Variants in COL10A1 observed in about 807,000 individuals in gnomAD.
COL10A1 encodes collagen type X alpha 1 chain.
COL10A1 carries 10 observed loss-of-function variants against 18.2 expected under a neutral mutation model. The ratio of observed to expected loss-of-function variants is 0.55; its 90% CI spans 0.34 to 0.93. The LOEUF is 0.93. Ranked by LOEUF, COL10A1 falls within the 40% of genes least tolerant of loss-of-function variation. COL10A1 has a pLI of 0.02. For missense variants in COL10A1, 897 were observed against 853.5 expected, an observed-to-expected ratio of 1.05 and a Z score of -0.64; for synonymous variants, 330 against 316.6, an observed-to-expected ratio of 1.04 and a Z score of -0.45.
At chr6:116,157,560 T>C (rs983865721) in intron 1 of COL10A1, among the ~76,000 whole-genome samples, 1 of 152,182 alleles carries the variant, frequency 6.6e-6, no homozygotes, top group Non-Finnish European at 1.5e-5. Context: ...CAATGGGGGA[T>C]CAAGTGTATG....
In COL10A1 at chr6:116,119,370, A is replaced by C. The variant is rs1779037058; in HGVS notation, c.*703T>G. 1 of 152,436 alleles carries C rather than the reference A, an allele frequency of 6.6e-6. No individual in the cohort carries two copies. The highest frequency in any genetic ancestry group is 2.1e-4 in the South Asian group (1 of 4,832). The allele number at this position is 152,436 out of a possible 1,614,324, so 9.4% of individuals were successfully genotyped here. A position where few individuals can be genotyped will look rare whatever the true frequency, so the allele number is the denominator to read the frequency against. On this transcript the variant is annotated 3_prime_UTR_variant, in exon 3 of 3. Coordinates refer to ENST00000651968, the MANE Select transcript of COL10A1 (RefSeq NM_000493.4). ...TGTTTCCAAGTTATGCTGGGTATATAAAAAGCTTCTCTGCAATCATAGAAA... is the reference window on the plus strand; with the variant it reads ...TGTTTCCAAGTTATGCTGGGTATATCAAAAGCTTCTCTGCAATCATAGAAA...
the COL10A1 span, among the ~76,000 whole-genome samples, chr6:116,207,708 A>G: frequency 6.6e-6 from 1 of 151,932 alleles, no homozygotes; most frequent in East Asian, 1.9e-4. Context: ...CTTAGAGTAG[A>G]ATATTCTGGG....
upstream of COL10A1, among the ~76,000 whole-genome samples, chr6:116,163,140 A>AT (rs1216295769): frequency 3.4e-3 from 408 of 120,646 alleles, 2 homozygotes; most frequent in East Asian, 0.015. Context: ...AAAAAAAAAA[A>AT]AATATATATA....
the COL10A1 span, among the ~76,000 whole-genome samples, chr6:116,189,360 A>G: frequency 6.6e-6 from 1 of 151,854 alleles, no homozygotes; most frequent in Non-Finnish European, 1.5e-5. Flanking sequence ...ATATAGTTCC[A>G]GTATTGCAGT....
At chr6:116,197,043 G>C in the COL10A1 span, among the ~76,000 whole-genome samples, 66 of 151,692 alleles carry the variant, frequency 4.4e-4, no homozygotes, top group African/African-American at 1.6e-3. Context: ...AGCTGTGTGT[G>C]TCCATCAGAG....
chr6:116,152,863 C>T (rs1780082049), intron 1 of COL10A1, among the ~76,000 whole-genome samples: 1 of 152,016 alleles, frequency 6.6e-6, no homozygotes, highest in Non-Finnish European at 1.5e-5. Flanking sequence ...GTTATATTGC[C>T]TCTGAGTTCT....
At chr6:116,193,735 G>T in the COL10A1 span, among the ~76,000 whole-genome samples, 2 of 148,218 alleles carry the variant, frequency 1.3e-5, no homozygotes, top group East Asian at 3.9e-4. Flanking sequence ...TTTCATCTTT[G>T]TTGTTGGACT....
Position 116,146,786 on chromosome 6 carries a change from AAGAT to A in COL10A1, c.-16+11824_-16+11827del, listed in dbSNP as rs1464969910. Among the ~76,000 whole-genome samples, 6 of 152,132 alleles carry A rather than the reference AAGAT, an allele frequency of 3.9e-5. No individual in the cohort carries two copies. In the East Asian group the frequency reaches 1.2e-3, roughly 29 times the overall value. Reference sequence around the variant, plus strand: ...AGACTGGGAAATTTAATGTATGAAAAAGATAGCATTTCAGATCAGTGGAAGACAG... The same window carrying A: ...AGACTGGGAAATTTAATGTATGAAAAAGCATTTCAGATCAGTGGAAGACAG... On this transcript the variant is annotated intron_variant, in intron 1 of 1. Coordinates refer to the COL10A1 transcript ENST00000418500.
upstream of COL10A1, among the ~76,000 whole-genome samples, chr6:116,163,141 A>AAAAAAAAAATATATATATATATAT (rs761718922): frequency 1.1e-5 from 1 of 88,408 alleles, no homozygotes; most frequent in African/African-American, 5.8e-5. Context: ...AAAAAAAAAA[A>AAAAAAAAAATATATATATATATAT]ATATATATAT....
chr6:116,125,543 G>A, intron 1 of COL10A1, 36 bp from the exon 2 acceptor site: 1 of 1,582,430 alleles, frequency 6.3e-7, no homozygotes, highest in Non-Finnish European at 8.7e-7. Context: ...ATACAGCATT[G>A]TTATTAACCT....
At chr6:116,134,553 A>G (rs1270771299) in intron 1 of COL10A1, among the ~76,000 whole-genome samples, 1 of 152,120 alleles carries the variant, frequency 6.6e-6, no homozygotes, top group Admixed American at 6.5e-5. Flanking sequence ...TCAGATTTCC[A>G]TGTTTATTGA....
At chr6:116,216,801 A>C in the COL10A1 span, among the ~76,000 whole-genome samples, 2 of 152,184 alleles carry the variant, frequency 1.3e-5, no homozygotes, top group Non-Finnish European at 2.9e-5. Context: ...CTCTTAGCAA[A>C]GAAGTTTCTT....
At chr6:116,199,470 TG>T in the COL10A1 span, among the ~76,000 whole-genome samples, 1 of 152,062 alleles carries the variant, frequency 6.6e-6, no homozygotes, top group Non-Finnish European at 1.5e-5. Flanking sequence ...TCATCAATGT[TG>T]TGGAAAGAGA....
At chr6:116,154,250 A>T (rs1308224779) in intron 1 of COL10A1, among the ~76,000 whole-genome samples, 1 of 152,174 alleles carries the variant, frequency 6.6e-6, no homozygotes, top group Non-Finnish European at 1.5e-5. Context: ...TGATAAATAT[A>T]TTCAATATTT....
chr6:116,169,378 T>A, the COL10A1 span, among the ~76,000 whole-genome samples: 1 of 152,234 alleles, frequency 6.6e-6, no homozygotes, highest in African/African-American at 2.4e-5. Context: ...TGTTATAGTT[T>A]CCAGTTTATG....
intron 1 of COL10A1, among the ~76,000 whole-genome samples, chr6:116,142,528 G>A (rs1779793204): frequency 6.6e-6 from 1 of 151,994 alleles, no homozygotes; most frequent in African/African-American, 2.4e-5. Flanking sequence ...AAATTTGTTA[G>A]CATCTGAAAA....
At chr6:116,189,221 T>G in the COL10A1 span, among the ~76,000 whole-genome samples, 1 of 151,910 alleles carries the variant, frequency 6.6e-6, no homozygotes, top group Non-Finnish European at 1.5e-5. Context: ...AATAAAAGTT[T>G]TACTTCTATT....
chr6:116,199,466 A>G, the COL10A1 span, among the ~76,000 whole-genome samples: 1 of 152,072 alleles, frequency 6.6e-6, no homozygotes, highest in Non-Finnish European at 1.5e-5. Context: ...TCTGTCATCA[A>G]TGTTGTGGAA....
intron 1 of COL10A1, chr6:116,145,626 A>G (rs1779879737): frequency 1.2e-5 from 2 of 166,324 alleles, no homozygotes; most frequent in Admixed American, 6.2e-5. Context: ...ATGTTACATA[A>G]TCTACTCTTA....
Sources: allele counts gnomAD v4.1 joint callset (sites outside exome capture counted in the v4.1 genomes callset), GRCh38; gene constraint gnomAD v4.1.1; transcripts MANE v1.5; gene names NCBI Gene and HGNC (gene_info 2026-07-23, HGNC 2026-07-21).